Variants in PHF12 observed in about 807,000 individuals in gnomAD.
PHF12 encodes the protein PHD factor 1.
In PHF12, 6 loss-of-function variants were observed where a neutral mutation model predicts 99.8. The observed-to-expected ratio is 0.06, with a 90% CI of 0.03 to 0.12. The LOEUF is 0.12. PHF12 is among the 10% of genes least tolerant of loss of function. The probability of loss-of-function intolerance (pLI) is 1.00; values close to 1 mark genes in which losing one functional copy is unlikely to be tolerated. For synonymous variants in PHF12, 480 were observed against 514.9 expected, an observed-to-expected ratio of 0.93 and a Z score of 0.92; for missense variants, 954 against 1,300.1, an observed-to-expected ratio of 0.73 and a Z score of 4.09.
At chr17:28,920,987 C>A (rs1417800385) in intron 5 of PHF12, among the ~76,000 whole-genome samples, 2 of 151,736 alleles carry the variant, frequency 1.3e-5, no homozygotes, top group African/African-American at 4.8e-5. Flanking sequence ...CATTCTCCTG[C>A]CTCAGCCTTC....
chr17:28,926,869 C>G, intron 3 of PHF12, 122 bp downstream of exon 3: 1 of 1,567,178 alleles, frequency 6.4e-7, no homozygotes. Context: ...GGGGTGATTC[C>G]AGGGCTGGAA....
chr17:28,939,588 T>A (rs940700496), intron 2 of PHF12, among the ~76,000 whole-genome samples: 1 of 152,240 alleles, frequency 6.6e-6, no homozygotes, highest in African/African-American at 2.4e-5. Context: ...CTAGGGGTAG[T>A]GGAAAGAAAA....
In PHF12 at chr17:28,907,757, G is replaced by C. The variant is rs1241438687; in HGVS notation, c.2459-85C>G. The C allele has an allele frequency of 5.3e-6, 7 of 1,332,230 alleles. No individual in the cohort carries two copies. In the East Asian group the frequency reaches 1.6e-4, roughly 31 times the overall value. The allele number at this position is 1,332,230 out of a possible 1,614,324, so 82.5% of individuals were successfully genotyped here. ...GTCGGGGAGGTAAGACAGGGAGAGA[G>C]TTAGCTTCTGGGTTGGCACTAGCAG... On this transcript the variant is annotated intron_variant, in intron 12 of 14. Transcript: ENST00000332830.
chr17:28,942,142 T>C (rs775269980), intron 2 of PHF12, among the ~76,000 whole-genome samples: 12 of 152,258 alleles, frequency 7.9e-5, no homozygotes, highest in Non-Finnish European at 1.5e-4. Context: ...TTCACTGGGA[T>C]GTACCATCCT....
At chr17:28,926,647 A>G in intron 3 of PHF12, 4 of 596,302 alleles carry the variant, frequency 6.7e-6, no homozygotes, top group Middle Eastern at 3.1e-4. Flanking sequence ...GTGAGAGAAA[A>G]CTCCATTTTC....
At chr17:28,943,371 TG>T (rs748939306) in intron 2 of PHF12, among the ~76,000 whole-genome samples, 2 of 152,332 alleles carry the variant, frequency 1.3e-5, no homozygotes, top group Non-Finnish European at 2.9e-5. Flanking sequence ...GGCTCACACC[TG>T]TAATCCCAGC....
intron 2 of PHF12, among the ~76,000 whole-genome samples, chr17:28,937,758 C>A (rs1453100165): frequency 1.3e-5 from 2 of 152,198 alleles, no homozygotes; most frequent in Non-Finnish European, 2.9e-5. Flanking sequence ...CAAGCTGAGC[C>A]TCAGTCTCAA....
In PHF12 at chr17:28,906,810, G is replaced by C; in HGVS notation, c.2680+46C>G. ...ATGGGCAGCAAGTCAGAACCACCCT[G>C]ACTGGGGCCTCAGCTTTGTGGCCAC... On this transcript the variant is annotated intron_variant, in intron 14 of 14. Transcript: ENST00000332830. The surrounding 1 kb of genome is among the most constrained non-coding windows in gnomAD (Gnocchi z 4.2). 2 of 1,559,250 alleles carry C rather than the reference G, an allele frequency of 1.3e-6. No individual in the cohort carries two copies. Among genetic ancestry groups the C allele is most frequent in the Non-Finnish European group, 1.7e-6 (2 of 1,149,920 alleles).
chr17:28,941,494 A>G lies in PHF12; in HGVS notation c.248+8571T>C, dbSNP rs540397430. On this transcript the variant is annotated intron_variant, in intron 2 of 14. Coordinates refer to ENST00000332830, the MANE Select transcript of PHF12 (RefSeq NM_001033561.2). ...GGCTTATATAAAGATACAAATACACAGGTGAGTTTGCTGTAATATACAAAC... is the reference window on the plus strand; with the variant it reads ...GGCTTATATAAAGATACAAATACACGGGTGAGTTTGCTGTAATATACAAAC... Among the ~76,000 whole-genome samples the G allele has an allele frequency of 2.6e-5, 4 of 152,338 alleles. No individual in the cohort carries two copies. The East Asian group carries it at 7.7e-4, about 29-fold the overall frequency.
At position 28,912,796 on chromosome 17, in the gene PHF12, C is replaced by T. The variant is rs1046604186; in HGVS notation, c.1775G>A (p.Gly592Asp). 3.1e-6 allele frequency: 5 copies of T among 1,609,538 alleles called. No individual in the cohort carries two copies. The South Asian group carries it at 3.3e-5, about 11-fold the overall frequency. Residue 592 changes from glycine (G) to aspartate (D), a missense_variant, in exon 9 of 15, where the codon GGC becomes GAC. Physicochemically the swap from Gly to Asp is moderately conservative, Grantham distance 94. Around this residue, in one of 8 missense-constraint regions of PHF12, gnomAD observed 392 missense variants for 423.1 expected, o/e 0.93. Coordinates refer to ENST00000332830, the MANE Select transcript of PHF12 (RefSeq NM_001033561.2). ...GATGCCGACGGTGTGGTTCTGAAGG[C>T]CCCCAGCCGCTGGTGGCGTGAGGGG... Reference protein sequence around the residue: ...PRPLTPPAAGGLQNHTVGIIV... With the variant: ...PRPLTPPAAGDLQNHTVGIIV...
Position 28,910,233 on chromosome 17 carries a change from G to A in PHF12, c.2352C>T (p.His784=). The A allele has an allele frequency of 1.2e-6, 2 of 1,614,228 alleles. No homozygotes were observed. Among genetic ancestry groups the A allele is most frequent in the Non-Finnish European group, 1.7e-6 (2 of 1,180,030 alleles). ...AGGTGTGTACATGCGCACCTTCTAT[G>A]TGGTGCCCTCCAGAAGCCAGCTGAT... ...GTHQLASGGH[H]IEVQRKEVQA... The change falls in exon 11 of 15, where the codon CAC becomes CAT. Residue 784 remains histidine (H), a synonymous_variant. Transcript: ENST00000332830.
intron 5 of PHF12, among the ~76,000 whole-genome samples, chr17:28,920,204 G>T (rs958150032): frequency 6.6e-6 from 1 of 152,198 alleles, no homozygotes; most frequent in Non-Finnish European, 1.5e-5. Context: ...GCCACAGTTT[G>T]TCCTGGCTCA....
At chr17:28,939,553 C>T (rs1480245120) in intron 2 of PHF12, among the ~76,000 whole-genome samples, 4 of 152,162 alleles carry the variant, frequency 2.6e-5, no homozygotes, top group African/African-American at 9.7e-5. Context: ...TGGGAATTAA[C>T]GAGCACTCAG....
chr17:28,912,568 C>A lies in PHF12; in HGVS notation c.2003G>T (p.Arg668Leu), dbSNP rs146206401. The A allele has an allele frequency of 5.0e-6, 8 of 1,614,030 alleles. No individual in the cohort carries two copies. In the African/African-American group the frequency reaches 1.1e-4, roughly 22 times the overall value. Residue 668 changes from arginine (R) to leucine (L), a missense_variant, in exon 9 of 15, where the codon CGG becomes CTG. Around this residue, in one of 8 missense-constraint regions of PHF12, gnomAD observed 392 missense variants for 423.1 expected, o/e 0.93. Coordinates refer to ENST00000332830, the MANE Select transcript of PHF12 (RefSeq NM_001033561.2). ...TGCTGCTTGCGGGGGAGTGAGCACC[C>A]GGGTGGCGTTTGGGGGTGAGCCCAG... ...RPLGSPPNAT[R>L]VLTPPQAAGD...
intron 7 of PHF12, among the ~76,000 whole-genome samples, chr17:28,916,577 G>A (rs1485001538): frequency 6.6e-6 from 1 of 152,116 alleles, no homozygotes; most frequent in Non-Finnish European, 1.5e-5. Context: ...ATAAGACTGT[G>A]GGATCATTTC....
chr17:28,949,969 A>G lies in PHF12; in HGVS notation c.248+96T>C. Reference sequence around the variant, plus strand: ...CTGCAGAAAGTCAGCTAGCGGCTGCAAGCGCCCGTTATTTCGGCAGTCAGG... The same window carrying G: ...CTGCAGAAAGTCAGCTAGCGGCTGCGAGCGCCCGTTATTTCGGCAGTCAGG... On this transcript the variant is annotated intron_variant, in intron 2 of 14. Coordinates refer to ENST00000332830, the MANE Select transcript of PHF12 (RefSeq NM_001033561.2). This position sits in a 1 kb window ranked among gnomAD's most constrained non-coding sequence, Gnocchi z 4.6. 1 of 1,377,222 alleles carries G rather than the reference A, an allele frequency of 7.3e-7. No homozygotes were observed. The highest frequency in any genetic ancestry group is 9.7e-7 in the Non-Finnish European group (1 of 1,026,640). The allele number at this position is 1,377,222 out of a possible 1,614,324, so 85.3% of individuals were successfully genotyped here. A position where few individuals can be genotyped will look rare whatever the true frequency, so the allele number is the denominator to read the frequency against.
chr17:28,927,728 A>G (rs1426894097), intron 2 of PHF12: 1 of 152,316 alleles, frequency 6.6e-6, no homozygotes, highest in Non-Finnish European at 1.5e-5. Flanking sequence ...TGCAGATTCT[A>G]TTTTTTAAGA....
chr17:28,911,075 T>C (rs775694527), intron 10 of PHF12, 37 bp downstream of exon 10: 10 of 1,613,150 alleles, frequency 6.2e-6, no homozygotes, highest in South Asian at 3.3e-5. Flanking sequence ...ACCTTCAACA[T>C]AGCAAACGGT....
At chr17:28,914,058 G>A (rs576168986) in intron 7 of PHF12, 21 bp from the exon 8 acceptor site, 2 of 1,580,758 alleles carry the variant, frequency 1.3e-6, no homozygotes, top group South Asian at 1.1e-5. Context: ...TAGATAGAAG[G>A]AGGAAGGAGA....
Sources: allele counts gnomAD v4.1 joint callset (sites outside exome capture counted in the v4.1 genomes callset), GRCh38; gene constraint gnomAD v4.1.1; regional missense constraint gnomAD v4.1.1; non-coding constraint Gnocchi (gnomAD v3.1); transcripts MANE v1.5; gene names NCBI Gene and HGNC (gene_info 2026-07-23, HGNC 2026-07-21).